MALRD1: variants seen among roughly 807,000 people sequenced by gnomAD.
MALRD1 encodes MAM and LDL receptor class A domain containing 1, also known as MAM and LDL-receptor class A domain-containing protein 1.
In MALRD1, 247 loss-of-function variants were observed where a neutral mutation model predicts 242.1. The ratio of observed to expected loss-of-function variants is 1.02; its 90% CI spans 0.92 to 1.13. The LOEUF is 1.13. Among genes scored for constraint, MALRD1 ranks in the 50% most tolerant of loss-of-function variants. The pLI is 0.00. For synonymous variants in MALRD1, 995 were observed against 866.6 expected (o/e 1.15, Z -2.60); for missense variants, 2,989 against 2,533.1 (o/e 1.18, Z -3.86).
intron 21 of MALRD1, among the ~76,000 whole-genome samples, chr10:19,288,055 A>G (rs1027023679): frequency 1.8e-4 from 27 of 151,828 alleles, no homozygotes; most frequent in African/African-American, 6.5e-4. Flanking sequence ...CCCATCTTTC[A>G]AGGCCGTGTC....
chr10:19,529,420 A>G (rs1464941826), intron 31 of MALRD1, among the ~76,000 whole-genome samples: 1 of 152,096 alleles, frequency 6.6e-6, no homozygotes, highest in Non-Finnish European at 1.5e-5. Context: ...TATATTGCAA[A>G]TTCAAAGTCA....
At chr10:19,329,913 AT>A (rs748751169) in intron 23 of MALRD1, among the ~76,000 whole-genome samples, 16 of 152,178 alleles carry the variant, frequency 1.1e-4, no homozygotes, top group Non-Finnish European at 1.0e-4. Flanking sequence ...GATTGTACCT[AT>A]ATGGCAGAAG....
At chr10:19,614,411 A>C (rs1009213124) in intron 35 of MALRD1, among the ~76,000 whole-genome samples, 4 of 151,962 alleles carry the variant, frequency 2.6e-5, no homozygotes, top group Non-Finnish European at 4.4e-5. Context: ...GGAAATTTTA[A>C]TCAAGTGTTA....
At chr10:19,686,766 G>A (rs1270998008) in intron 36 of MALRD1, among the ~76,000 whole-genome samples, 1 of 152,134 alleles carries the variant, frequency 6.6e-6, no homozygotes, top group Non-Finnish European at 1.5e-5. Flanking sequence ...TTTGTGGAGG[G>A]TAGGGAGTGA....
intron 21 of MALRD1, among the ~76,000 whole-genome samples, chr10:19,297,664 C>G (rs1161992875): frequency 6.6e-6 from 1 of 151,436 alleles, no homozygotes; most frequent in African/African-American, 2.4e-5. Flanking sequence ...AATTTTATAG[C>G]TATTTTGCAT....
At chr10:19,107,889 G>A (rs1011653258) in intron 5 of MALRD1, among the ~76,000 whole-genome samples, 2 of 151,718 alleles carry the variant, frequency 1.3e-5, no homozygotes, top group African/African-American at 2.4e-5. Context: ...AAATTTGGTT[G>A]CATGCAAATA....
chr10:19,241,508 G>A (rs1018536173), intron 18 of MALRD1, among the ~76,000 whole-genome samples: 6 of 151,656 alleles, frequency 4.0e-5, no homozygotes, highest in Admixed American at 3.3e-4. Flanking sequence ...TTTACACTTT[G>A]TTTTATTTAT....
intron 31 of MALRD1, among the ~76,000 whole-genome samples, chr10:19,515,452 A>T (rs1383094787): frequency 1.3e-5 from 2 of 152,186 alleles, no homozygotes; most frequent in African/African-American, 2.4e-5. Context: ...ACTGTAGAAG[A>T]GGCAAAATTT....
rs201244900 is a variant in MALRD1 at position 19,640,915 on chromosome 10, G to GA, written c.6137+24999dup. On this transcript the variant is annotated intron_variant, in intron 36 of 39. Coordinates refer to ENST00000454679, the MANE Select transcript of MALRD1 (RefSeq NM_001142308.3). ...GTTAGAATAATGGAGTTTTGTATAT[G>GA]AAAAAAATAGTTTTTGTATCCAATA... Among the ~76,000 whole-genome samples the GA allele has an allele frequency of 3.2e-3, 485 of 152,132 alleles. 17 individuals carry two copies. In the East Asian group the frequency reaches 0.074, roughly 23 times the overall value.
intron 36 of MALRD1, among the ~76,000 whole-genome samples, chr10:19,653,625 G>T (rs1275296596): frequency 6.6e-6 from 1 of 152,090 alleles, no homozygotes; most frequent in East Asian, 1.9e-4. Context: ...TCTTGCCTCT[G>T]GGAGACTTTG....
intron 18 of MALRD1, among the ~76,000 whole-genome samples, chr10:19,236,594 T>TA (rs766558744): frequency 2.4e-4 from 36 of 152,160 alleles, no homozygotes; most frequent in Non-Finnish European, 4.1e-4. Context: ...ACTTCTTAGA[T>TA]AAAATGCCAA....
chr10:19,201,299 G>A (rs921616653), intron 14 of MALRD1, among the ~76,000 whole-genome samples: 2 of 152,048 alleles, frequency 1.3e-5, no homozygotes, highest in African/African-American at 2.4e-5. Context: ...TACTAGAAAA[G>A]CACATCTGAA....
intron 38 of MALRD1, among the ~76,000 whole-genome samples, chr10:19,723,622 G>C (rs1463094778): frequency 6.6e-6 from 1 of 151,896 alleles, no homozygotes; most frequent in Non-Finnish European, 1.5e-5. Context: ...TGCACCTATA[G>C]TCCCAGCAAC....
chr10:19,257,808 A>G, intron 19 of MALRD1, 37 bp downstream of exon 19: 7 of 1,334,952 alleles, frequency 5.2e-6, no homozygotes, highest in Non-Finnish European at 7.0e-6. Context: ...TTATTTCTAA[A>G]TCTGTTTACT....
At chr10:19,330,177 C>T (rs766768230) in intron 23 of MALRD1, among the ~76,000 whole-genome samples, 1 of 151,862 alleles carries the variant, frequency 6.6e-6, no homozygotes, top group African/African-American at 2.4e-5. Context: ...TTTCCAAGCT[C>T]ACCTACTATG....
At chr10:19,372,650 T>C (rs1845427663) in intron 26 of MALRD1, among the ~76,000 whole-genome samples, 1 of 151,806 alleles carries the variant, frequency 6.6e-6, no homozygotes, top group Admixed American at 6.6e-5. Flanking sequence ...GTATTTTTAG[T>C]AGAGATGGGG....
At chr10:19,382,525 ACT>A (rs546427742) in intron 26 of MALRD1, among the ~76,000 whole-genome samples, 177 of 152,216 alleles carry the variant, frequency 1.2e-3, no homozygotes, top group Middle Eastern at 3.4e-3. Context: ...AATTTTAGTA[ACT>A]CTGTGATTTT....
intron 28 of MALRD1, among the ~76,000 whole-genome samples, chr10:19,427,885 A>G (rs992214020): frequency 1.3e-5 from 2 of 152,170 alleles, no homozygotes; most frequent in Non-Finnish European, 2.9e-5. Context: ...GATTTAAGAC[A>G]TGGAATTTGC....
chr10:19,473,579 C>A (rs763403068), intron 29 of MALRD1, among the ~76,000 whole-genome samples: 1 of 152,086 alleles, frequency 6.6e-6, no homozygotes, highest in African/African-American at 2.4e-5. Context: ...ACAGTATTTG[C>A]CCATTTGTGA....
Sources: gnomAD v4.1 joint callset for allele counts (sites outside exome capture counted in the v4.1 genomes callset) on GRCh38, gnomAD v4.1.1 for gene constraint, MANE v1.5 for transcripts, NCBI Gene and HGNC (gene_info 2026-07-23, HGNC 2026-07-21) for gene names.